The following DLGAP2 variants were observed in gnomAD, a reference collection of about 807,000 sequenced individuals.
DLGAP2 encodes the protein DLG associated protein 2.
Under a neutral mutation model 100.3 loss-of-function variants are expected in DLGAP2, and 26 were observed. The observed-to-expected ratio is 0.26, with a 90% CI of 0.19 to 0.36. The LOEUF is 0.36. Ranked by LOEUF, DLGAP2 falls within the 10% of genes least tolerant of loss-of-function variation. DLGAP2 has a pLI of 1.00. For synonymous variants in DLGAP2, 886 were observed against 630.1 expected (o/e 1.41, Z -6.08); for missense variants, 1,858 against 1,453.2 (o/e 1.28, Z -4.53).
At chr8:1,387,743 A>T (rs1796252826) in intron 3 of DLGAP2, among the ~76,000 whole-genome samples, 1 of 152,196 alleles carries the variant, frequency 6.6e-6, no homozygotes, top group Non-Finnish European at 1.5e-5. Context: ...AGGTTCAGGT[A>T]GGAATGGCAA....
chr8:1,079,697 G>C (rs1250900801), intron 2 of DLGAP2, among the ~76,000 whole-genome samples: 1 of 152,192 alleles, frequency 6.6e-6, no homozygotes, highest in Non-Finnish European at 1.5e-5. Flanking sequence ...TCATAGATTG[G>C]ACGAGGTTAT....
At chr8:1,119,512 G>T (rs915005950) in intron 2 of DLGAP2, among the ~76,000 whole-genome samples, 9 of 152,310 alleles carry the variant, frequency 5.9e-5, no homozygotes, top group Admixed American at 2.0e-4. Flanking sequence ...GTTCAGCCCT[G>T]CTGCTCTTCT....
chr8:1,622,612 C>G (rs1344973633), intron 6 of DLGAP2, among the ~76,000 whole-genome samples: 1 of 152,232 alleles, frequency 6.6e-6, no homozygotes, highest in Non-Finnish European at 1.5e-5. Context: ...TTCACTTGCA[C>G]AGCTTTCCGT....
intron 3 of DLGAP2, among the ~76,000 whole-genome samples, chr8:1,377,101 A>C (rs1273805291): frequency 6.6e-6 from 1 of 152,236 alleles, no homozygotes; most frequent in Non-Finnish European, 1.5e-5. Context: ...GGGAGCTTCC[A>C]GATAGGCGTG....
rs574805159 is a variant in DLGAP2 at position 1,614,688 on chromosome 8, T to C, written c.1443-12052T>C. ...TACAGCAGCAGAACTGATATGCAGGTTGGCCAAGCCAAGGACAGTTGCTCA... is the reference window on the plus strand; with the variant it reads ...TACAGCAGCAGAACTGATATGCAGGCTGGCCAAGCCAAGGACAGTTGCTCA... On this transcript the variant is annotated intron_variant, in intron 6 of 14. Transcript: ENST00000637795. Among the ~76,000 whole-genome samples the C allele has an allele frequency of 3.3e-5, 5 of 152,316 alleles. No homozygotes were observed. The South Asian group carries it at 1.0e-3, about 32-fold the overall frequency.
intron 6 of DLGAP2, among the ~76,000 whole-genome samples, chr8:1,609,639 A>G (rs1796930699): frequency 8.4e-6 from 1 of 118,890 alleles, no homozygotes; most frequent in Non-Finnish European, 1.8e-5. Flanking sequence ...TATTCAGGAA[A>G]CCCATCTCAC....
chr8:1,441,004 G>C (rs1017658113), intron 3 of DLGAP2, among the ~76,000 whole-genome samples: 3 of 152,288 alleles, frequency 2.0e-5, no homozygotes, highest in African/African-American at 4.8e-5. Context: ...CAGCCAAATG[G>C]TAGGGGCATA....
chr8:823,833 G>T (rs1796633417), intron 1 of DLGAP2, among the ~76,000 whole-genome samples: 1 of 152,206 alleles, frequency 6.6e-6, no homozygotes, highest in South Asian at 2.1e-4. Context: ...GGGAGGTCAA[G>T]AGTCTGCGGC....
chr8:1,059,379 T>A (rs113031573), intron 2 of DLGAP2, among the ~76,000 whole-genome samples: 12 of 152,046 alleles, frequency 7.9e-5, no homozygotes, highest in African/African-American at 2.9e-4. Context: ...GGAACACAGC[T>A]CTGGAGCCGC....
At chr8:937,282 A>G (rs1431905689) in intron 2 of DLGAP2, among the ~76,000 whole-genome samples, 1 of 152,204 alleles carries the variant, frequency 6.6e-6, no homozygotes. Flanking sequence ...TTATGGATTC[A>G]AAAACATGCC....
intron 12 of DLGAP2, among the ~76,000 whole-genome samples, chr8:1,684,005 G>A (rs373750531): frequency 1.9e-4 from 20 of 102,926 alleles, no homozygotes; most frequent in South Asian, 3.7e-4. Flanking sequence ...TTTTTAAGAC[G>A]AAGTCTCACT....
intron 2 of DLGAP2, among the ~76,000 whole-genome samples, chr8:1,083,420 G>A (rs1803873887): frequency 6.6e-6 from 1 of 152,180 alleles, no homozygotes; most frequent in Admixed American, 6.5e-5. Flanking sequence ...GAAGTAACCA[G>A]ATCTTACGGG....
chr8:1,626,622 C>T, intron 6 of DLGAP2, 118 bp from the exon 7 acceptor site: 3 of 1,353,744 alleles, frequency 2.2e-6, no homozygotes, highest in Non-Finnish European at 3.0e-6. Flanking sequence ...GACGGTCGTT[C>T]CCACCTCTGC....
At chr8:1,474,003 T>G (rs890972983) in intron 3 of DLGAP2, among the ~76,000 whole-genome samples, 1 of 152,208 alleles carries the variant, frequency 6.6e-6, no homozygotes, top group Non-Finnish European at 1.5e-5. Flanking sequence ...ATGAGCAGTG[T>G]ACATTCTGCC....
intron 2 of DLGAP2, among the ~76,000 whole-genome samples, chr8:1,017,913 A>T (rs998348040): frequency 3.3e-5 from 5 of 152,324 alleles, no homozygotes; most frequent in Middle Eastern, 6.8e-3. Context: ...GTTTGATTGG[A>T]CACAGCCACA....
intron 2 of DLGAP2, among the ~76,000 whole-genome samples, chr8:1,062,346 T>C (rs932634668): frequency 1.3e-5 from 2 of 152,170 alleles, no homozygotes; most frequent in African/African-American, 4.8e-5. Flanking sequence ...GACTGGAGCC[T>C]CGGAGGCACA....
chr8:1,097,514 C>G (rs1276288485), intron 2 of DLGAP2, among the ~76,000 whole-genome samples: 1 of 127,638 alleles, frequency 7.8e-6, no homozygotes, highest in African/African-American at 3.1e-5. Context: ...TGGAGAGGTC[C>G]CCTCCAGCGT....
At chr8:874,690 T>C (rs1797657722) in intron 1 of DLGAP2, among the ~76,000 whole-genome samples, 1 of 152,196 alleles carries the variant, frequency 6.6e-6, no homozygotes, top group African/African-American at 2.4e-5. Context: ...TCTGCTGCTG[T>C]TGTTGGATGG....
At chr8:1,387,802 C>G (rs115765838) in intron 3 of DLGAP2, among the ~76,000 whole-genome samples, 12 of 152,158 alleles carry the variant, frequency 7.9e-5, no homozygotes, top group African/African-American at 1.2e-4. Context: ...GTGCCACAAT[C>G]GGAACCAGGA....
Sources: allele counts gnomAD v4.1 joint callset (sites outside exome capture counted in the v4.1 genomes callset), GRCh38; gene constraint gnomAD v4.1.1; transcripts MANE v1.5; gene names NCBI Gene and HGNC (gene_info 2026-07-23, HGNC 2026-07-21).